The following RBMS3 variants were observed in gnomAD, a reference collection of about 807,000 sequenced individuals.
The protein encoded by RBMS3 is RNA-binding motif, single-stranded-interacting protein 3.
A neutral mutation model predicts 66.8 loss-of-function variants in RBMS3; 27 were observed. That is an observed-to-expected ratio of 0.40 (90% CI 0.30 to 0.56). RBMS3 has a LOEUF of 0.56. RBMS3 is among the 20% of genes least tolerant of loss of function. RBMS3 has a pLI of 0.40. For missense variants in RBMS3, 513 were observed against 549.5 expected (o/e 0.93, Z 0.66); for synonymous variants, 188 against 183.0 (o/e 1.03, Z -0.22).
chr3:29,770,206 C>T (rs932231143), intron 6 of RBMS3, among the ~76,000 whole-genome samples: 1 of 151,788 alleles, frequency 6.6e-6, no homozygotes, highest in East Asian at 1.9e-4. Context: ...ACTTTTGCTC[C>T]CCCTGCCACG....
intron 1 of RBMS3, among the ~76,000 whole-genome samples, chr3:29,398,045 C>G (rs1371850883): frequency 6.6e-6 from 1 of 152,174 alleles, no homozygotes; most frequent in African/African-American, 2.4e-5. Context: ...GACATAGCTA[C>G]TCTCAGTGCT....
chr3:29,864,944 G>A (rs1490899756), intron 6 of RBMS3, among the ~76,000 whole-genome samples: 5 of 106,782 alleles, frequency 4.7e-5, no homozygotes, highest in Non-Finnish European at 9.0e-5. Context: ...GAGAGAGGAA[G>A]GAGGGAAGGA....
At chr3:29,923,359 T>C (rs971172097) in intron 10 of RBMS3, among the ~76,000 whole-genome samples, 8 of 152,284 alleles carry the variant, frequency 5.3e-5, no homozygotes, top group Admixed American at 3.3e-4. Flanking sequence ...TCTGTCACAA[T>C]AGGGATAAGC....
chr3:29,453,173 T>C (rs975801616), intron 2 of RBMS3, among the ~76,000 whole-genome samples: 8 of 152,210 alleles, frequency 5.3e-5, no homozygotes, highest in African/African-American at 1.7e-4. Flanking sequence ...TAATCTCAAA[T>C]GTTTGACTTT....
At chr3:29,949,387 G>A (rs1232528813) in intron 12 of RBMS3, among the ~76,000 whole-genome samples, 2 of 151,738 alleles carry the variant, frequency 1.3e-5, no homozygotes, top group Non-Finnish European at 2.9e-5. Flanking sequence ...CAAGCCACGT[G>A]CAAATAAGTG....
At chr3:29,537,822 CAAAA>C (rs1195812359) in intron 3 of RBMS3, among the ~76,000 whole-genome samples, 1 of 70,798 alleles carries the variant, frequency 1.4e-5, no homozygotes. Flanking sequence ...GACTCCACCT[CAAAA>C]AAAAAAAAAA....
intron 3 of RBMS3, among the ~76,000 whole-genome samples, chr3:29,491,532 A>G (rs1356805107): frequency 6.6e-6 from 1 of 152,238 alleles, no homozygotes; most frequent in African/African-American, 2.4e-5. Context: ...TGCTGCTTCA[A>G]AATACTTTTA....
chr3:29,860,606 T>C (rs774624097), intron 6 of RBMS3, among the ~76,000 whole-genome samples: 2 of 152,170 alleles, frequency 1.3e-5, no homozygotes, highest in Admixed American at 6.5e-5. Flanking sequence ...TAATCTTGAG[T>C]TTTCCTTTTA....
Position 29,768,004 on chromosome 3 carries a change from C to T in RBMS3, c.637+5015C>T, listed in dbSNP as rs150921222. Among the ~76,000 whole-genome samples, 692 of 151,928 alleles carry T rather than the reference C, an allele frequency of 4.6e-3. 10 individuals carry two copies. The highest frequency in any genetic ancestry group is 0.016 in the African/African-American group (666 of 41,490). On this transcript the variant is annotated intron_variant, in intron 6 of 14. Coordinates refer to ENST00000383767, the MANE Select transcript of RBMS3 (RefSeq NM_001003793.3). Reference sequence around the variant, plus strand: ...TGTCTTGATTGTTCTGCTCAGGTGGCGCATTGCTTCTCTCCAAATGTTTTA... The same window carrying T: ...TGTCTTGATTGTTCTGCTCAGGTGGTGCATTGCTTCTCTCCAAATGTTTTA...
intron 1 of RBMS3, among the ~76,000 whole-genome samples, chr3:29,411,660 A>G (rs898109030): frequency 2.6e-5 from 4 of 152,224 alleles, no homozygotes; most frequent in African/African-American, 9.6e-5. Context: ...CAAGATAATT[A>G]CACCCTTGTC....
chr3:29,299,663 A>G lies in RBMS3; in HGVS notation c.75+17907A>G, dbSNP rs139053232. ...TATAGCAACTATTTATATAGCATTT[A>G]CACTGTTTTAGGTATTATAAGTAAC... is the stretch of plus-strand genomic sequence containing the variant. On this transcript the variant is annotated intron_variant, in intron 1 of 14. Coordinates refer to ENST00000383767, the MANE Select transcript of RBMS3 (RefSeq NM_001003793.3). Among the ~76,000 whole-genome samples the G allele has an allele frequency of 1.8e-3, 280 of 152,080 alleles. 1 individual carries two copies. The highest frequency in any genetic ancestry group is 1.5e-3 in the Non-Finnish European group (100 of 67,940).
At chr3:29,830,142 CTT>C (rs576052588) in intron 6 of RBMS3, among the ~76,000 whole-genome samples, 2 of 148,126 alleles carry the variant, frequency 1.4e-5, no homozygotes, top group Non-Finnish European at 1.5e-5. Context: ...GGGAGGTAGT[CTT>C]TTTTTTTTGT....
intron 6 of RBMS3, among the ~76,000 whole-genome samples, chr3:29,796,254 G>A (rs55965753): frequency 0.26 from 39,682 of 151,912 alleles, 5,674 homozygotes; most frequent in Non-Finnish European, 0.32. Context: ...CTGAGCCACC[G>A]TGCCCACCCC....
At chr3:29,720,805 T>A (rs1473010206) in intron 4 of RBMS3, among the ~76,000 whole-genome samples, 3 of 152,066 alleles carry the variant, frequency 2.0e-5, no homozygotes, top group African/African-American at 7.2e-5. Context: ...TCAACGACAC[T>A]GTCTGTGTCT....
At position 29,398,675 on chromosome 3, in the gene RBMS3, GTCA is replaced by G. The variant is rs531090109; in HGVS notation, c.76-36067_76-36065del. 3.9e-3 allele frequency among the ~76,000 whole-genome samples: 597 copies of G among 152,248 alleles called. 1 individual carries two copies. Among genetic ancestry groups the G allele is most frequent in the Non-Finnish European group, 6.1e-3 (412 of 68,012 alleles). On this transcript the variant is annotated intron_variant, in intron 1 of 14. Transcript: ENST00000383767. ...GGTGACCAGGATGTCTAGAAATGCT[GTCA>G]AGATGGCTATGCAGTGAAATAGTGT...
intron 2 of RBMS3, among the ~76,000 whole-genome samples, chr3:29,456,244 A>G (rs1046602711): frequency 2.0e-4 from 31 of 152,188 alleles, no homozygotes; most frequent in Admixed American, 5.9e-4. Flanking sequence ...TGATATCCAA[A>G]GTATCCTTTA....
At chr3:29,794,852 A>G (rs2057130288) in intron 6 of RBMS3, among the ~76,000 whole-genome samples, 1 of 152,176 alleles carries the variant, frequency 6.6e-6, no homozygotes, top group Non-Finnish European at 1.5e-5. Flanking sequence ...AGGGCAAAAC[A>G]ATTTGCTAAA....
intron 10 of RBMS3, among the ~76,000 whole-genome samples, chr3:29,903,652 A>G (rs114510264): frequency 0.016 from 2,392 of 152,046 alleles, 61 homozygotes; most frequent in African/African-American, 0.053. Context: ...GCAGAGTTCC[A>G]CTTTCTTAAA....
chr3:29,815,063 G>A (rs1576888485), intron 6 of RBMS3, among the ~76,000 whole-genome samples: 1 of 152,152 alleles, frequency 6.6e-6, no homozygotes, highest in East Asian at 1.9e-4. Flanking sequence ...AGTCTATCCA[G>A]GCACAATTGA....
Sources: gnomAD v4.1 joint callset for allele counts (sites outside exome capture counted in the v4.1 genomes callset) on GRCh38, gnomAD v4.1.1 for gene constraint, MANE v1.5 for transcripts, NCBI Gene and HGNC (gene_info 2026-07-23, HGNC 2026-07-21) for gene names.